Variants in NDUFAF6 observed in about 807,000 individuals in gnomAD.
The protein encoded by NDUFAF6 is NADH dehydrogenase (ubiquinone) complex I, assembly factor 6.
In NDUFAF6, 45 loss-of-function variants were observed where a neutral mutation model predicts 40.8. The ratio of observed to expected loss-of-function variants is 1.10; its 90% CI spans 0.87 to 1.42. The LOEUF is 1.42. Among genes scored for constraint, NDUFAF6 ranks in the 40% most tolerant of loss-of-function variants. The probability of loss-of-function intolerance (pLI) is 0.00; values close to 1 mark genes in which losing one functional copy is unlikely to be tolerated. For missense variants in NDUFAF6, 435 were observed against 418.5 expected (o/e 1.04, Z -0.34); for synonymous variants, 185 against 155.9 (o/e 1.19, Z -1.39).
intron 2 of NDUFAF6, among the ~76,000 whole-genome samples, chr8:95,032,589 C>A (rs958775178): frequency 1.3e-5 from 2 of 151,878 alleles, no homozygotes; most frequent in African/African-American, 4.8e-5. Flanking sequence ...CCTCTTTTTT[C>A]TTCTTTAGAA....
intron 2 of NDUFAF6, among the ~76,000 whole-genome samples, chr8:94,997,641 A>G (rs570422951): frequency 6.6e-6 from 1 of 152,188 alleles, no homozygotes; most frequent in Non-Finnish European, 1.5e-5. Context: ...AGGGCTACCT[A>G]TTATTAGTGT....
At chr8:94,954,680 G>A (rs1212657998), upstream of NDUFAF6, among the ~76,000 whole-genome samples, 1 of 151,284 alleles carries the variant, frequency 6.6e-6, no homozygotes, top group Non-Finnish European at 1.5e-5. Flanking sequence ...AAGAGTCTTT[G>A]CTGTGCTTAA....
intron 1 of NDUFAF6, among the ~76,000 whole-genome samples, chr8:94,940,658 T>G (rs903659100): frequency 6.6e-6 from 1 of 152,212 alleles, no homozygotes; most frequent in Non-Finnish European, 1.5e-5. Context: ...GTCAGTCAAT[T>G]TCACTGACAT....
intron 1 of NDUFAF6, among the ~76,000 whole-genome samples, chr8:94,942,029 C>T (rs1309445505): frequency 1.3e-5 from 2 of 151,850 alleles, no homozygotes; most frequent in East Asian, 3.9e-4. Context: ...CTAGCAGTCA[C>T]CCTTCACGCT....
downstream of NDUFAF6, among the ~76,000 whole-genome samples, chr8:95,103,929 T>C (rs1587279618): frequency 6.6e-6 from 1 of 152,192 alleles, no homozygotes; most frequent in South Asian, 2.1e-4. Flanking sequence ...AACTACCCAC[T>C]TGGGGGAGAT....
chr8:95,112,503 A>G (rs1357417218), intron 4 of NDUFAF6, among the ~76,000 whole-genome samples: 1 of 152,228 alleles, frequency 6.6e-6, no homozygotes, highest in Non-Finnish European at 1.5e-5. Flanking sequence ...GAGACTTCAG[A>G]GAGAGCTTGA....
At chr8:95,026,224 T>G (rs1238863193) in intron 1 of NDUFAF6, among the ~76,000 whole-genome samples, 3 of 152,110 alleles carry the variant, frequency 2.0e-5, no homozygotes, top group African/African-American at 7.2e-5. Flanking sequence ...TCTCCGCACT[T>G]TAGGAGGCTG....
intron 1 of NDUFAF6, among the ~76,000 whole-genome samples, chr8:94,966,618 A>G (rs1169813757): frequency 6.6e-6 from 1 of 152,142 alleles, no homozygotes; most frequent in Non-Finnish European, 1.5e-5. Context: ...AATAACACAA[A>G]GGCAATGAAT....
intron 1 of NDUFAF6, among the ~76,000 whole-genome samples, chr8:94,968,034 G>A (rs1452571002): frequency 2.0e-5 from 3 of 152,022 alleles, no homozygotes; most frequent in African/African-American, 7.3e-5. Context: ...TCACATGGTA[G>A]TTGGCAGGCC....
intron 2 of NDUFAF6, among the ~76,000 whole-genome samples, chr8:95,012,008 C>G (rs1827246730): frequency 1.3e-5 from 2 of 152,064 alleles, no homozygotes; most frequent in Non-Finnish European, 2.9e-5. Context: ...ATTTTCAGGT[C>G]AAAGGGTAAG....
chr8:94,972,671 G>A (rs1364570288), intron 1 of NDUFAF6, among the ~76,000 whole-genome samples: 9 of 150,830 alleles, frequency 6.0e-5, no homozygotes, highest in African/African-American at 1.9e-4. Context: ...TGGGAGGATT[G>A]TGTGAGCTCA....
chr8:94,928,617 A>C (rs1423182667), intron 1 of NDUFAF6: 1 of 152,390 alleles, frequency 6.6e-6, no homozygotes, highest in Non-Finnish European at 1.5e-5. Flanking sequence ...CAATAAGGAG[A>C]AAGGGGGAAT....
chr8:95,058,050 G>A lies in NDUFAF6; in HGVS notation c.*113G>A. ...TAAGGAGAAAATGAATTTATTGAAT[G>A]GGATGTCAAGTAGCTCACAAAATTG... On this transcript the variant is annotated 3_prime_UTR_variant, in exon 9 of 9. Coordinates refer to ENST00000396124, the MANE Select transcript of NDUFAF6 (RefSeq NM_152416.4). The A allele has an allele frequency of 6.7e-7, 1 of 1,485,370 alleles. No homozygotes were observed. The highest frequency in any genetic ancestry group is 1.4e-5 in the South Asian group (1 of 72,360). 92.0% of individuals were successfully genotyped at this position (1,485,370 alleles called of 1,614,324 possible).
chr8:95,086,051 C>T (rs780246907), intron 2 of NDUFAF6, among the ~76,000 whole-genome samples: 2 of 152,096 alleles, frequency 1.3e-5, no homozygotes, highest in Non-Finnish European at 2.9e-5. Context: ...ACAGGAAGAG[C>T]GACAAACTTC....
chr8:95,095,955 G>A (rs1048674942), upstream of NDUFAF6, among the ~76,000 whole-genome samples: 5 of 152,160 alleles, frequency 3.3e-5, no homozygotes, highest in East Asian at 1.9e-4. Context: ...GTGAGCCACC[G>A]TGCCCGGCTG....
At chr8:95,112,752 A>G (rs1395096124) in intron 4 of NDUFAF6, among the ~76,000 whole-genome samples, 2 of 152,104 alleles carry the variant, frequency 1.3e-5, no homozygotes, top group African/African-American at 4.8e-5. Context: ...TCTCCTCCCC[A>G]GTGCTTTGAT....
chr8:94,932,052 CA>C, intron 1 of NDUFAF6: 1 of 1,606,660 alleles, frequency 6.2e-7, no homozygotes, highest in South Asian at 1.1e-5. Context: ...CACACAGTCT[CA>C]AAGTGAATAT....
At chr8:95,095,757 T>C (rs1434148675), upstream of NDUFAF6, among the ~76,000 whole-genome samples, 1 of 151,584 alleles carries the variant, frequency 6.6e-6, no homozygotes, top group Non-Finnish European at 1.5e-5. Context: ...CTCTGCCCCC[T>C]GGGTTCAAGT....
At chr8:94,974,339 A>G (rs1824745840) in intron 1 of NDUFAF6, among the ~76,000 whole-genome samples, 1 of 151,902 alleles carries the variant, frequency 6.6e-6, no homozygotes. Flanking sequence ...GCTTCCTGCG[A>G]GGGAGGACAG....
Sources: allele counts gnomAD v4.1 joint callset (sites outside exome capture counted in the v4.1 genomes callset), GRCh38; gene constraint gnomAD v4.1.1; transcripts MANE v1.5; gene names NCBI Gene and HGNC (gene_info 2026-07-23, HGNC 2026-07-21).